Variants in BACH1 observed in about 807,000 individuals in gnomAD.
The protein encoded by BACH1 is transcription regulator protein BACH1.
BACH1 carries 35 observed loss-of-function variants against 52.9 expected under a neutral mutation model. That is an observed-to-expected ratio of 0.66 (90% CI 0.51 to 0.88). The LOEUF (loss-of-function observed/expected upper bound fraction) is 0.88. Ranked by LOEUF, BACH1 falls within the 40% of genes least tolerant of loss-of-function variation. BACH1 has a pLI of 0.00. For synonymous variants in BACH1, 321 were observed against 319.6 expected (o/e 1.00, Z -0.05); for missense variants, 808 against 872.6 (o/e 0.93, Z 0.93).
chr21:29,300,697 T>C (rs2088593765), intron 1 of BACH1: 2 of 152,192 alleles, frequency 1.3e-5, no homozygotes, highest in Admixed American at 1.3e-4. Flanking sequence ...TGTTACGTGG[T>C]CTATAAGTTT....
chr21:29,328,549 T>C (rs1424116937), intron 3 of BACH1, among the ~76,000 whole-genome samples: 1 of 152,216 alleles, frequency 6.6e-6, no homozygotes, highest in Non-Finnish European at 1.5e-5. Flanking sequence ...TATTTGTTTT[T>C]TGTAAGAATA....
rs187601059 is a variant in BACH1 at position 29,340,029 on chromosome 21, C to T, written c.1777-2370C>T. 1.7e-3 allele frequency among the ~76,000 whole-genome samples: 265 copies of T among 152,254 alleles called. 3 individuals are homozygous for T. The highest frequency in any genetic ancestry group is 6.0e-3 in the African/African-American group (250 of 41,564). On this transcript the variant is annotated intron_variant, in intron 4 of 4. Transcript: ENST00000286800. The stretch of plus-strand genomic sequence containing the variant: ...AATAGCTCTAATTAAAGGTGCAGCA[C>T]TTCAAACGTGATTTATACAGTTGTT...
chr21:29,319,442 C>T (rs2088824062), intron 1 of BACH1, among the ~76,000 whole-genome samples: 1 of 151,594 alleles, frequency 6.6e-6, no homozygotes, highest in African/African-American at 2.4e-5. Flanking sequence ...GGGTCCCAGT[C>T]ATGGTGATTT....
intron 1 of BACH1, among the ~76,000 whole-genome samples, chr21:29,319,096 G>A (rs750345126): frequency 6.6e-6 from 1 of 152,204 alleles, no homozygotes; most frequent in African/African-American, 2.4e-5. Flanking sequence ...TGATAGAGGA[G>A]CATCACAGGG....
At chr21:29,321,882 G>A (rs1388153575) in intron 2 of BACH1, among the ~76,000 whole-genome samples, 3 of 152,180 alleles carry the variant, frequency 2.0e-5, no homozygotes, top group Admixed American at 2.0e-4. Context: ...TTGTAGCTAT[G>A]TGTGTTAGTC....
chr21:29,332,642 G>A (rs1208472828), intron 4 of BACH1, among the ~76,000 whole-genome samples: 4 of 152,200 alleles, frequency 2.6e-5, no homozygotes, highest in African/African-American at 7.2e-5. Context: ...CACCCGCTTC[G>A]CTCTCTATCC....
chr21:29,327,542 T>TA (rs2088928609), intron 3 of BACH1, 149 bp downstream of exon 3: 1 of 1,182,092 alleles, frequency 8.5e-7, no homozygotes, highest in East Asian at 2.6e-5. Context: ...GACTGTGTGA[T>TA]AGGGCTGGGC....
chr21:29,335,265 C>T (rs1308401674), intron 4 of BACH1, among the ~76,000 whole-genome samples: 1 of 152,176 alleles, frequency 6.6e-6, no homozygotes, highest in Non-Finnish European at 1.5e-5. Flanking sequence ...ATAAGAGTAA[C>T]AGCCACAGCG....
chr21:29,335,287 A>G (rs1425283267), intron 4 of BACH1, among the ~76,000 whole-genome samples: 1 of 152,190 alleles, frequency 6.6e-6, no homozygotes, highest in East Asian at 1.9e-4. Context: ...GGTTGATGCA[A>G]GGATCTGATG....
At chr21:29,331,260 TGA>T (rs2088978617) in intron 4 of BACH1, among the ~76,000 whole-genome samples, 1 of 152,240 alleles carries the variant, frequency 6.6e-6, no homozygotes, top group Admixed American at 6.5e-5. Flanking sequence ...ATTGTACTAC[TGA>T]AGTTCTTAGT....
downstream of BACH1, among the ~76,000 whole-genome samples, chr21:29,348,830 C>G (rs2089186086): frequency 6.6e-6 from 1 of 152,122 alleles, no homozygotes; most frequent in Non-Finnish European, 1.5e-5. Flanking sequence ...CAGGGTGGCT[C>G]ACGCCTGTAA....
At chr21:29,336,673 A>AT (rs371810290) in intron 4 of BACH1, among the ~76,000 whole-genome samples, 18 of 149,220 alleles carry the variant, frequency 1.2e-4, no homozygotes, top group Non-Finnish European at 1.9e-4. Context: ...TTATTTTTTT[A>AT]TTTTTTTTTG....
At chr21:29,306,943 A>G (rs560476707) in intron 1 of BACH1, among the ~76,000 whole-genome samples, 4 of 152,340 alleles carry the variant, frequency 2.6e-5, no homozygotes, top group African/African-American at 7.2e-5. Flanking sequence ...AAACATTTCA[A>G]AAGTTCCCTG....
chr21:29,306,510 G>A (rs1257866103), intron 1 of BACH1, among the ~76,000 whole-genome samples: 1 of 152,150 alleles, frequency 6.6e-6, no homozygotes, highest in Non-Finnish European at 1.5e-5. Flanking sequence ...AGGTCAAGGG[G>A]AATAGTACCG....
chr21:29,307,334 C>T (rs1291251894), intron 1 of BACH1, among the ~76,000 whole-genome samples: 2 of 152,166 alleles, frequency 1.3e-5, no homozygotes, highest in African/African-American at 4.8e-5. Flanking sequence ...CCTAACTTTT[C>T]TGTTTTGCTG....
intron 4 of BACH1, among the ~76,000 whole-genome samples, chr21:29,340,147 A>G (rs1368814994): frequency 1.3e-5 from 2 of 152,244 alleles, no homozygotes; most frequent in African/African-American, 4.8e-5. Context: ...TTTGGGAGGT[A>G]TCTTAAATAC....
At chr21:29,329,994 G>A (rs771123415) in intron 4 of BACH1, among the ~76,000 whole-genome samples, 5 of 152,008 alleles carry the variant, frequency 3.3e-5, no homozygotes, top group Non-Finnish European at 7.4e-5. Context: ...AATATTCCAG[G>A]TGTTCATTTA....
downstream of BACH1, among the ~76,000 whole-genome samples, chr21:29,347,466 C>G (rs1366158044): frequency 2.6e-5 from 4 of 152,188 alleles, no homozygotes; most frequent in Admixed American, 1.3e-4. Context: ...AGTACAAAGG[C>G]CAGAGGGTGT....
At chr21:29,313,719 A>G (rs1184502013) in intron 1 of BACH1, among the ~76,000 whole-genome samples, 6 of 152,238 alleles carry the variant, frequency 3.9e-5, no homozygotes, top group Non-Finnish European at 8.8e-5. Flanking sequence ...GTAAGAGTAC[A>G]TAATATGTGA....
Sources: gnomAD v4.1 joint callset for allele counts (sites outside exome capture counted in the v4.1 genomes callset) on GRCh38, gnomAD v4.1.1 for gene constraint, MANE v1.5 for transcripts, NCBI Gene and HGNC (gene_info 2026-07-23, HGNC 2026-07-21) for gene names.